WNK1: variants seen among roughly 807,000 people sequenced by gnomAD.
The protein encoded by WNK1 is serine/threonine-protein kinase WNK1.
In WNK1, 38 loss-of-function variants were observed where a neutral mutation model predicts 222.8. That is an observed-to-expected ratio of 0.17 (90% confidence interval 0.13 to 0.22). WNK1 has a LOEUF of 0.22. Ranked by LOEUF, WNK1 falls within the 10% of genes least tolerant of loss-of-function variation. The pLI, the probability that WNK1 is intolerant of heterozygous loss-of-function variation, is 1.00. For synonymous variants in WNK1, 1,090 were observed against 1,092.9 expected (o/e 1.00, Z 0.05); for missense variants, 2,348 against 2,918.4 (o/e 0.80, Z 4.50).
chr12:853,356 C>A (rs531202223), intron 4 of WNK1, among the ~76,000 whole-genome samples: 1 of 152,236 alleles, frequency 6.6e-6, no homozygotes, highest in East Asian at 1.9e-4. Flanking sequence ...ATAGGATTAA[C>A]AAGAGGATTA....
At chr12:886,816 C>A (rs1953706114) in intron 19 of WNK1, among the ~76,000 whole-genome samples, 1 of 152,154 alleles carries the variant, frequency 6.6e-6, no homozygotes, top group Non-Finnish European at 1.5e-5. Flanking sequence ...ATCAGACCTG[C>A]CCATTGGTTA....
In WNK1 at chr12:899,047, A is replaced by G. The variant is rs773359285; in HGVS notation, c.6448+1366A>G. Among the ~76,000 whole-genome samples, 76 of 152,280 alleles carry G rather than the reference A, an allele frequency of 5.0e-4. 3 individuals carry two copies. Among genetic ancestry groups the G allele is most frequent in the Admixed American group, 2.6e-4 (4 of 15,290 alleles). ...GAGCCACCGTGCCCGGCCCTGGACT[A>G]TATTTTAATTGGGATAGATAGAGAG... On this transcript the variant is annotated intron_variant, in intron 25 of 27. Transcript: ENST00000315939.
chr12:861,968 A>G, intron 7 of WNK1, 115 bp from the exon 8 acceptor site: 1 of 1,150,168 alleles, frequency 8.7e-7, no homozygotes, highest in Non-Finnish European at 1.3e-6. Context: ...AAATCTGTGC[A>G]AGGAATAACT....
At position 908,800 on chromosome 12, in the gene WNK1, G is replaced by A; in HGVS notation, c.*8G>A. 1 of 1,343,528 alleles carries A rather than the reference G, an allele frequency of 7.4e-7. No individual in the cohort carries two copies. Among genetic ancestry groups the A allele is most frequent in the Non-Finnish European group, 9.9e-7 (1 of 1,014,468 alleles). 83.2% of individuals were successfully genotyped at this position (1,343,528 alleles called of 1,614,324 possible). Reference sequence around the variant, plus strand: ...AACCTGCGGACCACTTAGACCTAGAGACATTAACTGAATAGATCTGGGGGC... The same window carrying A: ...AACCTGCGGACCACTTAGACCTAGAAACATTAACTGAATAGATCTGGGGGC... On this transcript the variant is annotated 3_prime_UTR_variant, in exon 28 of 28. Transcript: ENST00000315939.
At chr12:762,785 T>C (rs559835700) in intron 1 of WNK1, among the ~76,000 whole-genome samples, 2 of 147,170 alleles carry the variant, frequency 1.4e-5, no homozygotes, top group Non-Finnish European at 3.0e-5. Flanking sequence ...TTCACTCTTG[T>C]TGCCCAGCTG....
At chr12:873,115 G>A (rs958003278) in intron 9 of WNK1, among the ~76,000 whole-genome samples, 19 of 152,202 alleles carry the variant, frequency 1.2e-4, no homozygotes, top group African/African-American at 4.6e-4. Context: ...TGGAAGTACT[G>A]AGTACTAATC....
intron 1 of WNK1, among the ~76,000 whole-genome samples, chr12:796,850 C>G (rs1332467453): frequency 6.6e-6 from 1 of 151,028 alleles, no homozygotes; most frequent in Non-Finnish European, 1.5e-5. Context: ...ACACTTCTCT[C>G]TGTTCCACAC....
At chr12:892,399 G>T (rs1385177607) in intron 22 of WNK1, among the ~76,000 whole-genome samples, 5 of 152,082 alleles carry the variant, frequency 3.3e-5, no homozygotes, top group African/African-American at 1.2e-4. Context: ...TGTTTCAATA[G>T]AATTTATTTA....
chr12:799,876 G>A (rs1269374532), intron 1 of WNK1, among the ~76,000 whole-genome samples: 2 of 152,002 alleles, frequency 1.3e-5, no homozygotes, highest in African/African-American at 4.8e-5. Flanking sequence ...GTAGAGACGG[G>A]GTTTCACCAT....
intron 2 of WNK1, among the ~76,000 whole-genome samples, chr12:816,512 T>C (rs1455357826): frequency 6.6e-6 from 1 of 152,068 alleles, no homozygotes; most frequent in East Asian, 1.9e-4. Flanking sequence ...ACTCCTGAGC[T>C]CATCCTGATT....
chr12:851,572 A>T (rs374359025), intron 4 of WNK1: 2 of 1,194,064 alleles, frequency 1.7e-6, no homozygotes, highest in African/African-American at 1.6e-5. Flanking sequence ...CTAGTGTTAA[A>T]CAAGAAACTG....
intron 1 of WNK1, among the ~76,000 whole-genome samples, chr12:768,097 G>A (rs1591610253): frequency 6.6e-6 from 1 of 152,152 alleles, no homozygotes; most frequent in South Asian, 2.1e-4. Context: ...TTAGTTTGGT[G>A]ACAAATTGTT....
intron 4 of WNK1, among the ~76,000 whole-genome samples, chr12:852,881 A>G (rs1224493703): frequency 6.6e-6 from 1 of 152,192 alleles, no homozygotes; most frequent in Non-Finnish European, 1.5e-5. Flanking sequence ...GTGAGGTTTC[A>G]TAATCATTCC....
At chr12:759,685 C>A (rs1940745530) in intron 1 of WNK1, among the ~76,000 whole-genome samples, 1 of 147,694 alleles carries the variant, frequency 6.8e-6, no homozygotes, top group Admixed American at 6.7e-5. Flanking sequence ...AGCATGACCT[C>A]AGTTTATGTT....
chr12:896,483 C>T lies in WNK1; in HGVS notation c.5996C>T (p.Pro1999Leu), dbSNP rs1954741023. Reference protein sequence around the residue: ...LPAVIPKKEKPELSEPSHLNG... With the variant: ...LPAVIPKKEKLELSEPSHLNG... ...GCTGTGATACCAAAGAAAGAGAAGC[C>T]TGAACTGTCAGAGCCTTCACATCTA... The change falls in exon 24 of 28, where the codon CCT (proline) becomes CTT (leucine). Residue 1999 changes from proline to leucine, a missense_variant. Coordinates refer to ENST00000315939, the MANE Select transcript of WNK1 (RefSeq NM_018979.4). 6.2e-7 allele frequency: 1 copy of T among 1,613,896 alleles called. No individual in the cohort carries two copies. Among genetic ancestry groups the T allele is most frequent in the East Asian group, 2.2e-5 (1 of 44,866 alleles).
intron 1 of WNK1, among the ~76,000 whole-genome samples, chr12:806,821 A>T (rs1249541809): frequency 6.6e-6 from 1 of 152,238 alleles, no homozygotes; most frequent in African/African-American, 2.4e-5. Flanking sequence ...CAGAATTAGT[A>T]AAACATTACA....
chr12:832,676 T>C (rs1435546588), intron 4 of WNK1, among the ~76,000 whole-genome samples: 1 of 152,218 alleles, frequency 6.6e-6, no homozygotes, highest in Non-Finnish European at 1.5e-5. Flanking sequence ...ATTGGGATGG[T>C]ATTTTGTCAG....
At chr12:880,685 A>G in intron 11 of WNK1, 36 bp from the exon 12 acceptor site, 3 of 1,611,070 alleles carry the variant, frequency 1.9e-6, no homozygotes, top group Non-Finnish European at 2.5e-6. Context: ...TTGACCCCCA[A>G]CCTGCTCTAA....
At chr12:899,941 G>A (rs1955095085) in intron 25 of WNK1, among the ~76,000 whole-genome samples, 1 of 151,314 alleles carries the variant, frequency 6.6e-6, no homozygotes, top group Admixed American at 6.6e-5. Flanking sequence ...GCTCAGACAT[G>A]TGGCCCATCT....
Sources: allele counts gnomAD v4.1 joint callset (sites outside exome capture counted in the v4.1 genomes callset), GRCh38; gene constraint gnomAD v4.1.1; transcripts MANE v1.5; gene names NCBI Gene and HGNC (gene_info 2026-07-23, HGNC 2026-07-21).